Variants in CPSF7 observed in about 807,000 individuals in gnomAD.
The protein encoded by CPSF7 is cleavage and polyadenylation specific factor 7, also known as cleavage and polyadenylation specificity factor subunit 7.
Under a neutral mutation model 44.3 loss-of-function variants are expected in CPSF7, and 1 was observed. That is an observed-to-expected ratio of 0.02 (90% CI 0.01 to 0.11). CPSF7 has a LOEUF of 0.11. CPSF7 is among the 10% of genes least tolerant of loss of function. The probability of loss-of-function intolerance (pLI) is 1.00; values close to 1 mark genes in which losing one functional copy is unlikely to be tolerated. For synonymous variants in CPSF7, 202 were observed against 222.0 expected, an observed-to-expected ratio of 0.91 and a Z score of 0.80; for missense variants, 443 against 607.2, an observed-to-expected ratio of 0.73 and a Z score of 2.84.
At chr11:61,421,031 G>A (rs2135367987) in intron 3 of CPSF7, 2 of 1,252,694 alleles carry the variant, frequency 1.6e-6, no homozygotes, top group East Asian at 9.8e-5. Context: ...GAGTTATCAA[G>A]GTCTTTAATC....
intron 5 of CPSF7, 175 bp downstream of exon 5, chr11:61,419,774 G>T (rs1860690689): frequency 1.4e-6 from 1 of 729,256 alleles, no homozygotes; most frequent in Non-Finnish European, 2.3e-6. Context: ...CTTCTATATA[G>T]ACCTATTCTG....
intron 7 of CPSF7, among the ~76,000 whole-genome samples, chr11:61,413,294 TATG>T: frequency 6.6e-6 from 1 of 152,108 alleles, no homozygotes; most frequent in Non-Finnish European, 1.5e-5. Context: ...TGTGTATATA[TATG>T]ATATTTACAT....
At chr11:61,428,175 G>C (rs1007036130) in intron 2 of CPSF7, among the ~76,000 whole-genome samples, 1 of 152,178 alleles carries the variant, frequency 6.6e-6, no homozygotes, top group Non-Finnish European at 1.5e-5. Flanking sequence ...TTATTTCTTT[G>C]AGAGAATTTT....
intron 5 of CPSF7, among the ~76,000 whole-genome samples, chr11:61,418,724 CT>C (rs58703617): frequency 0.044 from 6,406 of 144,480 alleles, 426 homozygotes; most frequent in African/African-American, 0.15. Context: ...TTTCTTTTTT[CT>C]TTTTTTTTTT....
At chr11:61,429,757 C>T (rs1368063170) in intron 1 of CPSF7, 157 bp downstream of exon 1, 2 of 1,546,404 alleles carry the variant, frequency 1.3e-6, no homozygotes, top group Non-Finnish European at 8.7e-7. Context: ...CCCGACAAAC[C>T]CGGCCCGGCG....
chr11:61,422,805 A>G (rs918159683), intron 2 of CPSF7, among the ~76,000 whole-genome samples: 2 of 152,052 alleles, frequency 1.3e-5, no homozygotes, highest in Non-Finnish European at 2.9e-5. Flanking sequence ...CTAAAACTAC[A>G]ACTACTACTA....
rs1386508500 is a variant in CPSF7, at chr11:61,404,338, G to A, written c.*372C>T. ...TGCATGGAGGATCTATTTTCTTTGG[G>A]AAGGAAGTCTTCCCATCAACCTCAC... On this transcript the variant is annotated 3_prime_UTR_variant, in exon 10 of 10. Coordinates refer to ENST00000439958, the MANE Select transcript of CPSF7 (RefSeq NM_001142565.3). 6.6e-6 allele frequency: 1 copy of A among 152,586 alleles called. No homozygotes were observed. The highest frequency in any genetic ancestry group is 1.5e-5 in the Non-Finnish European group (1 of 68,050). The allele number at this position is 152,586 out of a possible 1,614,324, so 9.5% of individuals were successfully genotyped here.
chr11:61,427,638 G>C (rs1036332938), intron 2 of CPSF7, among the ~76,000 whole-genome samples: 1 of 143,454 alleles, frequency 7.0e-6, no homozygotes, highest in Non-Finnish European at 1.5e-5. Context: ...GGGTGACAGA[G>C]AGAGACTCTG....
chr11:61,419,529 C>T (rs1860661985), intron 5 of CPSF7, among the ~76,000 whole-genome samples: 1 of 152,184 alleles, frequency 6.6e-6, no homozygotes, highest in Non-Finnish European at 1.5e-5. Flanking sequence ...TTTAGGGTGG[C>T]TGCTTCTTGA....
chr11:61,427,105 G>C (rs1278008927), intron 2 of CPSF7: 1 of 148,112 alleles, frequency 6.8e-6, no homozygotes, highest in Non-Finnish European at 1.5e-5. Context: ...AACATAATCT[G>C]CAAAAAGTCT....
At chr11:61,427,655 G>GAA (rs576742257) in intron 2 of CPSF7, among the ~76,000 whole-genome samples, 17 of 41,706 alleles carry the variant, frequency 4.1e-4, no homozygotes, top group South Asian at 1.5e-3. Context: ...TCTGTCTCAA[G>GAA]AAAAAAAAAA....
At position 61,429,952 on chromosome 11, in the gene CPSF7, C is replaced by A. The variant is rs1327993143; in HGVS notation, c.-94G>T. The A allele has an allele frequency of 2.9e-6, 4 of 1,367,480 alleles. No homozygotes were observed. Among genetic ancestry groups the A allele is most frequent in the Non-Finnish European group, 3.9e-6 (4 of 1,018,280 alleles). The allele number at this position is 1,367,480 out of a possible 1,614,324, so 84.7% of individuals were successfully genotyped here. A position where few individuals can be genotyped will look rare whatever the true frequency, so the allele number is the denominator to read the frequency against. ...GCGGCGGCGGCGAGTCCGGACTAGG[C>A]CCGAAGCGCGCGAACCGCTCTCCGC... On this transcript the variant is annotated 5_prime_UTR_variant, in exon 1 of 10. Transcript: ENST00000439958.
chr11:61,408,129 T>C (rs1859491029), intron 9 of CPSF7, among the ~76,000 whole-genome samples: 1 of 150,334 alleles, frequency 6.7e-6, no homozygotes, highest in Non-Finnish European at 1.5e-5. Flanking sequence ...CGATCTCGGC[T>C]CACTGCAAGC....
At chr11:61,422,918 A>G (rs1370478776) in intron 2 of CPSF7, among the ~76,000 whole-genome samples, 2 of 151,786 alleles carry the variant, frequency 1.3e-5, no homozygotes, top group Non-Finnish European at 2.9e-5. Flanking sequence ...AAACTGCTTG[A>G]GCCCAAGAGT....
rs542864324 is a variant in CPSF7, at chr11:61,413,542, A to T, written c.1058-1605T>A. Among the ~76,000 whole-genome samples, 381 of 151,884 alleles carry T rather than the reference A, an allele frequency of 2.5e-3. 1 individual carries two copies. Among genetic ancestry groups the T allele is most frequent in the Admixed American group, 4.4e-3 (67 of 15,224 alleles). Reference sequence around the variant, plus strand: ...GTTATTTGGGGGGCTGAGGCAGGAGAATTGCTTAAATCTGGGAGGGAGAGG... The same window carrying T: ...GTTATTTGGGGGGCTGAGGCAGGAGTATTGCTTAAATCTGGGAGGGAGAGG... On this transcript the variant is annotated intron_variant, in intron 7 of 9. Transcript: ENST00000439958.
intron 5 of CPSF7, among the ~76,000 whole-genome samples, chr11:61,418,348 C>T (rs1004269389): frequency 6.6e-6 from 1 of 152,162 alleles, no homozygotes; most frequent in Non-Finnish European, 1.5e-5. Context: ...CAGGGAAGGT[C>T]TTGCAGGGTG....
At chr11:61,423,110 A>AG (rs1861040094) in intron 2 of CPSF7, among the ~76,000 whole-genome samples, 1 of 148,572 alleles carries the variant, frequency 6.7e-6, no homozygotes, top group Non-Finnish European at 1.5e-5. Flanking sequence ...CATATCAAAA[A>AG]AAAAAAAAAA....
At chr11:61,421,123 T>A in intron 3 of CPSF7, 1 of 1,414,914 alleles carries the variant, frequency 7.1e-7, no homozygotes, top group Non-Finnish European at 9.3e-7. Flanking sequence ...GTCCCTCAGA[T>A]GACCCTGCTA....
chr11:61,428,094 G>T (rs79649645), intron 2 of CPSF7, among the ~76,000 whole-genome samples: 1 of 152,204 alleles, frequency 6.6e-6, no homozygotes, highest in Non-Finnish European at 1.5e-5. Context: ...ATATTAGTAC[G>T]TTTTCAATAG....
Sources: allele counts gnomAD v4.1 joint callset (sites outside exome capture counted in the v4.1 genomes callset), GRCh38; gene constraint gnomAD v4.1.1; transcripts MANE v1.5; gene names NCBI Gene and HGNC (gene_info 2026-07-23, HGNC 2026-07-21).